CFAP299: variants seen among roughly 807,000 people sequenced by gnomAD.
The protein encoded by CFAP299 is cilia- and flagella-associated protein 299.
Under a neutral mutation model 27.0 loss-of-function variants are expected in CFAP299, and 21 were observed. That is an observed-to-expected ratio of 0.78 (90% CI 0.55 to 1.12). The LOEUF is 1.12. Ranked by LOEUF, CFAP299 falls within the 50% of genes most tolerant of loss-of-function variation. The pLI, the probability that CFAP299 is intolerant of heterozygous loss-of-function variation, is 0.00. For synonymous variants in CFAP299, 104 were observed against 98.1 expected (o/e 1.06, Z -0.36); for missense variants, 310 against 276.6 (o/e 1.12, Z -0.86).
chr4:80,402,862 G>A (rs1039578172), intron 2 of CFAP299, among the ~76,000 whole-genome samples: 4 of 152,184 alleles, frequency 2.6e-5, no homozygotes, highest in South Asian at 4.1e-4. Flanking sequence ...CAATATTAAG[G>A]TAAAATTATA....
At chr4:80,877,934 G>A (rs1449019334) in intron 4 of CFAP299, among the ~76,000 whole-genome samples, 2 of 151,980 alleles carry the variant, frequency 1.3e-5, no homozygotes, top group Non-Finnish European at 2.9e-5. Flanking sequence ...TGTACTATTT[G>A]AAAGTAGCTT....
At chr4:80,811,019 T>C (rs1011577084) in intron 3 of CFAP299, among the ~76,000 whole-genome samples, 3 of 152,134 alleles carry the variant, frequency 2.0e-5, no homozygotes, top group Admixed American at 6.6e-5. Flanking sequence ...TTTGTGAGAA[T>C]GAAGACTTGA....
chr4:80,888,798 A>G (rs190298011), intron 4 of CFAP299, among the ~76,000 whole-genome samples: 1 of 152,162 alleles, frequency 6.6e-6, no homozygotes, highest in Admixed American at 6.5e-5. Flanking sequence ...GAATAAAACT[A>G]GAAATCAATA....
intron 3 of CFAP299, among the ~76,000 whole-genome samples, chr4:80,773,515 G>A (rs1726343909): frequency 6.6e-6 from 1 of 152,078 alleles, no homozygotes; most frequent in Non-Finnish European, 1.5e-5. Context: ...TCTGATGTCT[G>A]CAGTCCATTT....
chr4:80,528,136 A>C lies in CFAP299; in HGVS notation c.243-54957A>C, dbSNP rs79430407. On this transcript the variant is annotated intron_variant, in intron 2 of 5. Coordinates refer to ENST00000358105, the MANE Select transcript of CFAP299 (RefSeq NM_152770.3). ...ATTTTGTTGTATCAGTGTAGATCAG[A>C]AGATACTAGTTAGATCATTTTCATC... 9.2e-3 allele frequency among the ~76,000 whole-genome samples: 1,228 copies of C among 134,184 alleles called. 20 individuals are homozygous for C. Among genetic ancestry groups the C allele is most frequent in the African/African-American group, 0.032 (1,171 of 36,232 alleles). The allele number at this position is 134,184 out of a possible 152,430, so 88.0% of individuals were successfully genotyped here.
At chr4:80,508,745 ACCAGGTCCCACCAT>A (rs1375232740) in intron 2 of CFAP299, among the ~76,000 whole-genome samples, 1 of 152,048 alleles carries the variant, frequency 6.6e-6, no homozygotes, top group Non-Finnish European at 1.5e-5. Flanking sequence ...TCTTGCAGAG[ACCAGGTCCCACCAT>A]AATGTCCAGA....
At chr4:80,950,808 C>T (rs1737739507) in intron 5 of CFAP299, among the ~76,000 whole-genome samples, 1 of 152,108 alleles carries the variant, frequency 6.6e-6, no homozygotes, top group Non-Finnish European at 1.5e-5. Context: ...TTCAAAAATA[C>T]CCTGGGTGAT....
upstream of CFAP299, among the ~76,000 whole-genome samples, chr4:80,331,210 T>C (rs1181485608): frequency 1.3e-5 from 2 of 152,098 alleles, no homozygotes; most frequent in African/African-American, 2.4e-5. Context: ...CTTTCAAAAC[T>C]GAAAAAAGTC....
At chr4:80,662,990 A>G (rs1264779267) in intron 3 of CFAP299, among the ~76,000 whole-genome samples, 1 of 151,994 alleles carries the variant, frequency 6.6e-6, no homozygotes, top group Non-Finnish European at 1.5e-5. Context: ...CTTGTCTCTG[A>G]AGAATCCTTT....
At chr4:80,447,182 C>T (rs1243023075) in intron 2 of CFAP299, among the ~76,000 whole-genome samples, 1 of 115,286 alleles carries the variant, frequency 8.7e-6, no homozygotes, top group Non-Finnish European at 1.6e-5. Context: ...GTCACCCAGG[C>T]TGGAGTGCAG....
chr4:80,545,731 TCTAA>T (rs912409747), intron 2 of CFAP299, among the ~76,000 whole-genome samples: 1 of 152,178 alleles, frequency 6.6e-6, no homozygotes, highest in Non-Finnish European at 1.5e-5. Flanking sequence ...GGGACTCCTC[TCTAA>T]CTCATCCTCT....
intron 2 of CFAP299, among the ~76,000 whole-genome samples, chr4:80,436,965 T>G (rs1215247607): frequency 6.6e-6 from 1 of 152,220 alleles, no homozygotes; most frequent in African/African-American, 2.4e-5. Flanking sequence ...TTACTCATGA[T>G]TTGAAGGAAT....
At chr4:80,855,410 A>C (rs1731793846) in intron 3 of CFAP299, among the ~76,000 whole-genome samples, 1 of 151,412 alleles carries the variant, frequency 6.6e-6, no homozygotes. Flanking sequence ...TTATTTATTT[A>C]TTTTTATTAT....
intron 2 of CFAP299, among the ~76,000 whole-genome samples, chr4:80,460,517 A>G (rs1157552465): frequency 6.6e-6 from 1 of 152,126 alleles, no homozygotes; most frequent in Non-Finnish European, 1.5e-5. Flanking sequence ...AGCACCCAAA[A>G]TGTTCATGAA....
intron 3 of CFAP299, among the ~76,000 whole-genome samples, chr4:80,799,483 T>A (rs1400235836): frequency 1.6e-4 from 14 of 88,458 alleles, no homozygotes; most frequent in Non-Finnish European, 2.3e-4. Flanking sequence ...ATATATTTAT[T>A]AAATATATAT....
intron 2 of CFAP299, among the ~76,000 whole-genome samples, chr4:80,508,462 C>T (rs1375122699): frequency 6.6e-6 from 1 of 152,088 alleles, no homozygotes; most frequent in Non-Finnish European, 1.5e-5. Flanking sequence ...CTATAAGAAG[C>T]ATTGAGTTGT....
rs1156369819 is a variant in CFAP299 at position 80,337,604 on chromosome 4, G to A, written c.111+1725G>A. Among the ~76,000 whole-genome samples, 3 of 151,996 alleles carry A rather than the reference G, an allele frequency of 2.0e-5. No homozygotes were observed. The East Asian group carries it at 5.8e-4, about 29-fold the overall frequency. ...GCAGAGACAGGGTTTCACCATGTTG[G>A]CCAGGCTGGTCTCGAACTCCTGACC... On this transcript the variant is annotated intron_variant, in intron 1 of 5. Transcript: ENST00000358105.
chr4:80,897,837 T>C (rs529845025), intron 4 of CFAP299, among the ~76,000 whole-genome samples: 2 of 152,328 alleles, frequency 1.3e-5, no homozygotes, highest in Non-Finnish European at 2.9e-5. Context: ...GAGCTTCTGA[T>C]TAGAGAAAAC....
intron 3 of CFAP299, among the ~76,000 whole-genome samples, chr4:80,775,124 TG>T (rs1321375030): frequency 6.6e-6 from 1 of 150,828 alleles, no homozygotes; most frequent in Non-Finnish European, 1.5e-5. Context: ...CAAAGAGTAA[TG>T]GCATAGGGAT....
Sources: allele counts gnomAD v4.1 joint callset (sites outside exome capture counted in the v4.1 genomes callset), GRCh38; gene constraint gnomAD v4.1.1; transcripts MANE v1.5; gene names NCBI Gene and HGNC (gene_info 2026-07-23, HGNC 2026-07-21).